Variants in ADGB observed in about 807,000 individuals in gnomAD.
ADGB encodes androglobin, also known as calpain-7-like protein.
ADGB carries 172 observed loss-of-function variants against 210.5 expected under a neutral mutation model. The ratio of observed to expected loss-of-function variants is 0.82; its 90% CI spans 0.72 to 0.93. The LOEUF (loss-of-function observed/expected upper bound fraction) is 0.93, where lower values mean the gene tolerates loss of function less well. ADGB is among the 40% of genes least tolerant of loss of function. ADGB has a pLI of 0.00. For missense variants in ADGB, 2,025 were observed against 1,964.8 expected, an observed-to-expected ratio of 1.03 and a Z score of -0.58; for synonymous variants, 658 against 662.7, an observed-to-expected ratio of 0.99 and a Z score of 0.11.
chr6:146,721,847 T>TA (rs889845013), intron 17 of ADGB, among the ~76,000 whole-genome samples: 1 of 151,872 alleles, frequency 6.6e-6, no homozygotes, highest in South Asian at 2.1e-4. Flanking sequence ...TCAAAAAAAA[T>TA]AAAAAAATTT....
intron 2 of ADGB, among the ~76,000 whole-genome samples, chr6:146,637,671 A>G (rs1488704050): frequency 6.6e-6 from 1 of 152,048 alleles, no homozygotes. Flanking sequence ...AGTCAGGTAC[A>G]TCTTGTACTC....
intron 16 of ADGB, among the ~76,000 whole-genome samples, chr6:146,719,808 A>G (rs925419759): frequency 3.3e-5 from 5 of 152,166 alleles, no homozygotes; most frequent in Non-Finnish European, 7.4e-5. Flanking sequence ...CCAGGCTCAC[A>G]AGTCCAAGGG....
chr6:146,623,295 T>C (rs1033553387), intron 1 of ADGB, among the ~76,000 whole-genome samples: 8 of 152,000 alleles, frequency 5.3e-5, no homozygotes, highest in Non-Finnish European at 8.8e-5. Flanking sequence ...TTAACTATAT[T>C]GAATCTTTCA....
intron 1 of ADGB, among the ~76,000 whole-genome samples, chr6:146,625,074 G>T (rs1399678820): frequency 6.6e-6 from 1 of 151,962 alleles, no homozygotes; most frequent in Non-Finnish European, 1.5e-5. Context: ...TGTTAATTAG[G>T]TCAATTTTGA....
chr6:146,712,486 C>A (rs1195045188), intron 13 of ADGB, among the ~76,000 whole-genome samples: 1 of 151,960 alleles, frequency 6.6e-6, no homozygotes, highest in Non-Finnish European at 1.5e-5. Flanking sequence ...CATGCCAGGC[C>A]CTGGGTTGTT....
At chr6:146,726,334 T>A in intron 19 of ADGB, 137 bp downstream of exon 19, 1 of 532,514 alleles carries the variant, frequency 1.9e-6, no homozygotes, top group Non-Finnish European at 3.4e-6. Context: ...CAATTCTCCT[T>A]GCCTCAGCCC....
At chr6:146,796,025 C>T (rs1407114967) in intron 33 of ADGB, among the ~76,000 whole-genome samples, 1 of 151,956 alleles carries the variant, frequency 6.6e-6, no homozygotes, top group Non-Finnish European at 1.5e-5. Flanking sequence ...TCAATGTACA[C>T]AAATAAGTAG....
At chr6:146,744,410 A>G (rs970398515) in intron 25 of ADGB, among the ~76,000 whole-genome samples, 2 of 152,224 alleles carry the variant, frequency 1.3e-5, no homozygotes, top group Non-Finnish European at 2.9e-5. Context: ...CATAAACACC[A>G]TGTATGCAAC....
intron 11 of ADGB, 102 bp downstream of exon 11, chr6:146,691,392 G>T (rs1397541195): frequency 1.0e-5 from 5 of 479,558 alleles, no homozygotes; most frequent in Non-Finnish European, 1.2e-5. Flanking sequence ...ACCCAACATT[G>T]CTTCTAAAGC....
rs374652614 is a variant in ADGB at position 146,814,776 on chromosome 6, G to GA, written c.4819-248dup. ...ATCATTTAAACAGAATACCTTTGGG[G>GA]AAAAAAAAGTATGTTTTGACTATTT... On this transcript the variant is annotated intron_variant, in intron 35 of 35. Coordinates refer to ENST00000397944, the MANE Select transcript of ADGB (RefSeq NM_024694.4). Among the ~76,000 whole-genome samples, 55 of 151,792 alleles carry GA rather than the reference G, an allele frequency of 3.6e-4. 1 individual carries two copies. The highest frequency in any genetic ancestry group is 1.3e-3 in the African/African-American group (53 of 41,398).
At chr6:146,736,299 T>C (rs896215447) in intron 22 of ADGB, among the ~76,000 whole-genome samples, 199 bp from the exon 23 acceptor site, 1 of 152,156 alleles carries the variant, frequency 6.6e-6, no homozygotes, top group African/African-American at 2.4e-5. Flanking sequence ...GGAAACAGCA[T>C]AACACGGTGA....
At chr6:146,677,801 A>G (rs945344908) in intron 9 of ADGB, among the ~76,000 whole-genome samples, 1 of 152,220 alleles carries the variant, frequency 6.6e-6, no homozygotes, top group African/African-American at 2.4e-5. Flanking sequence ...AGTATCAGGC[A>G]AGTGATAGAG....
At chr6:146,811,173 C>T (rs570316634) in intron 35 of ADGB, among the ~76,000 whole-genome samples, 59 of 152,166 alleles carry the variant, frequency 3.9e-4, no homozygotes, top group African/African-American at 1.4e-3. Context: ...ATAGAAACAA[C>T]CTATTTTGAA....
Position 146,752,179 on chromosome 6 carries a change from C to A in ADGB, c.3366-351C>A, listed in dbSNP as rs566449178. On this transcript the variant is annotated intron_variant, in intron 26 of 35. Coordinates refer to ENST00000397944, the MANE Select transcript of ADGB (RefSeq NM_024694.4). Reference sequence around the variant, plus strand: ...GGCATCTGCTCAGTGTCTAGGGAGGCCTCAGGAAGCTTCCAATCATGGCAG... The same window carrying A: ...GGCATCTGCTCAGTGTCTAGGGAGGACTCAGGAAGCTTCCAATCATGGCAG... Among the ~76,000 whole-genome samples, 206 of 152,004 alleles carry A rather than the reference C, an allele frequency of 1.4e-3. 3 individuals are homozygous for A. Among genetic ancestry groups the A allele is most frequent in the African/African-American group, 4.8e-3 (200 of 41,446 alleles).
At chr6:146,787,610 C>T in intron 32 of ADGB, among the ~76,000 whole-genome samples, 1 of 151,958 alleles carries the variant, frequency 6.6e-6, no homozygotes, top group South Asian at 2.1e-4. Context: ...TGACTACTGA[C>T]TATCTGCCTC....
chr6:146,800,681 T>C (rs1372761315), intron 33 of ADGB, among the ~76,000 whole-genome samples: 1 of 152,188 alleles, frequency 6.6e-6, no homozygotes, highest in African/African-American at 2.4e-5. Flanking sequence ...ATCTTTTATA[T>C]ATTGCCTACT....
chr6:146,707,398 G>T (rs1776588342), intron 13 of ADGB, among the ~76,000 whole-genome samples: 1 of 151,954 alleles, frequency 6.6e-6, no homozygotes, highest in African/African-American at 2.4e-5. Context: ...TTGATTTTTT[G>T]TCTGGATGAG....
chr6:146,643,853 G>T (rs1419770009), intron 2 of ADGB, among the ~76,000 whole-genome samples: 1 of 151,742 alleles, frequency 6.6e-6, no homozygotes, highest in Non-Finnish European at 1.5e-5. Flanking sequence ...GAAACAACTT[G>T]GATGAATCTC....
intron 33 of ADGB, among the ~76,000 whole-genome samples, chr6:146,795,583 A>C (rs1429651403): frequency 1.3e-5 from 2 of 152,214 alleles, no homozygotes; most frequent in African/African-American, 2.4e-5. Context: ...AGAAAAATAT[A>C]AATCAAAACC....
Sources: allele counts gnomAD v4.1 joint callset (sites outside exome capture counted in the v4.1 genomes callset), GRCh38; gene constraint gnomAD v4.1.1; transcripts MANE v1.5; gene names NCBI Gene and HGNC (gene_info 2026-07-23, HGNC 2026-07-21).